INSRR: variants seen among roughly 807,000 people sequenced by gnomAD.
INSRR encodes the protein insulin receptor related receptor, also known as insulin receptor-related protein.
A neutral mutation model predicts 130.0 loss-of-function variants in INSRR; 114 were observed. That is an observed-to-expected ratio of 0.88 (90% CI 0.75 to 1.02). INSRR has a LOEUF of 1.02. INSRR is among the 50% of genes least tolerant of loss of function. The pLI is 0.00. For synonymous variants in INSRR, 674 were observed against 705.2 expected (o/e 0.96, Z 0.70); for missense variants, 1,657 against 1,735.2 (o/e 0.95, Z 0.80).
In INSRR at chr1:156,841,722, C is replaced by A. The variant is rs139192917; in HGVS notation, c.3470G>T (p.Arg1157Leu). 12 of 1,614,040 alleles carry A rather than the reference C, an allele frequency of 7.4e-6. No individual in the cohort carries two copies. The highest frequency in any genetic ancestry group is 1.0e-5 in the Non-Finnish European group (12 of 1,180,016). Residue 1157 changes from arginine to leucine, a missense_variant, in exon 20 of 22, where the codon CGC (arginine) becomes CTC (leucine). Physicochemically the swap from Arg to Leu is moderately radical, Grantham distance 102 (BLOSUM62 -2). Coordinates refer to ENST00000368195, the MANE Select transcript of INSRR (RefSeq NM_014215.3). ...TTTGAGGGACTCGGGGGCCATCCAG[C>A]GCACGGGCAGCAGCCCCTTCCCACC... ...RKGGKGLLPV[R>L]WMAPESLKDG...
Position 156,840,913 on chromosome 1 carries a change from G to A in INSRR, c.3854C>T (p.Pro1285Leu). 6.2e-7 allele frequency: 1 copy of A among 1,614,086 alleles called. No homozygotes were observed. Among genetic ancestry groups the A allele is most frequent in the Non-Finnish European group, 8.5e-7 (1 of 1,179,962 alleles). Residue 1285 changes from proline to leucine, a missense_variant, in exon 22 of 22, where the codon CCA (proline) becomes CTA (leucine). Physicochemically the swap from Pro to Leu is moderately conservative, Grantham distance 98 (BLOSUM62 -3). Transcript: ENST00000368195. ...CCCATTTTGAGGGCTGCAGTCTCTT[G>A]GAGTGGGTGAGGAGTCAGGCTCTGC... ...TDAEPDSSPT[P>L]RDCSPQNGGP...
chr1:156,852,418 G>C (rs1410836243), intron 2 of INSRR, among the ~76,000 whole-genome samples: 1 of 152,104 alleles, frequency 6.6e-6, no homozygotes, highest in South Asian at 2.1e-4. Flanking sequence ...CTAGTCGGGG[G>C]TGTCAGAGCT....
In INSRR at chr1:156,845,091, G is replaced by A. The variant is rs756026000; in HGVS notation, c.2422C>T (p.Arg808Cys). The change falls in exon 12 of 22, where the codon CGC becomes TGC. Residue 808 changes from arginine (R) to cysteine (C), a missense_variant. Transcript: ENST00000368195. ...GATCACCTACTGTGGGGCATGGTGCGCGCAAAGACGAAGGTGGCGGCGCTG... is the reference window on the plus strand; with the variant it reads ...GATCACCTACTGTGGGGCATGGTGCACGCAAAGACGAAGGTGGCGGCGCTG... The part of the protein sequence containing the change: ...GCSAATFVFA[R>C]TMPHREADGI... The A allele has an allele frequency of 6.8e-6, 11 of 1,608,476 alleles. No homozygotes were observed. In the South Asian group the frequency reaches 7.8e-5, roughly 11 times the overall value.
intron 7 of INSRR, among the ~76,000 whole-genome samples, chr1:156,847,884 G>T (rs1655066278): frequency 6.6e-6 from 1 of 152,188 alleles, no homozygotes; most frequent in Non-Finnish European, 1.5e-5. Flanking sequence ...CCCAGAGACA[G>T]CTGTGTATAG....
chr1:156,847,372 G>C (rs1043269497), intron 7 of INSRR, among the ~76,000 whole-genome samples: 2 of 152,228 alleles, frequency 1.3e-5, no homozygotes, highest in African/African-American at 2.4e-5. Flanking sequence ...GGCCAGTTTC[G>C]GGGCAGGGCT....
rs778801552 is a variant in INSRR at position 156,843,487 on chromosome 1, G to A, written c.2844-8C>T. 23 of 1,613,988 alleles carry A rather than the reference G, an allele frequency of 1.4e-5. No individual in the cohort carries two copies. Among genetic ancestry groups the A allele is most frequent in the African/African-American group, 5.3e-5 (4 of 74,922 alleles). ...GCATACAGGGTTCTGTTTCTGCAAC[G>A]GGAGGTGAGGGGGTCAGGCTGGAAG... is the stretch of plus-strand genomic sequence containing the variant. On this transcript the variant is annotated splice_region_variant and splice_polypyrimidine_tract_variant and intron_variant, in intron 15 of 21. Transcript: ENST00000368195.
chr1:156,851,403 C>T lies in INSRR; in HGVS notation c.1116G>A (p.Leu372=), dbSNP rs374785576. ...YNLEPQLQHS[L]GLVETITGFL... is the part of the protein sequence containing the mutation. ...AGCCAGTAATGGTTTCTACCAGCCCCAGGCTGTGCTGCAGCTGTGGCTCCA... is the reference window on the plus strand; with the variant it reads ...AGCCAGTAATGGTTTCTACCAGCCCTAGGCTGTGCTGCAGCTGTGGCTCCA... Residue 372 remains leucine, a synonymous_variant, in exon 5 of 22, where the codon CTG becomes CTA. Coordinates refer to ENST00000368195, the MANE Select transcript of INSRR (RefSeq NM_014215.3). The T allele has an allele frequency of 6.2e-6, 10 of 1,614,074 alleles. No individual in the cohort carries two copies. The highest frequency in any genetic ancestry group is 2.7e-5 in the African/African-American group (2 of 74,924).
In INSRR at chr1:156,842,393, CCTACCT is replaced by C; in HGVS notation, c.3236_3237+4del. 6.2e-7 allele frequency: 1 copy of C among 1,613,644 alleles called. No homozygotes were observed. The highest frequency in any genetic ancestry group is 8.5e-7 in the Non-Finnish European group (1 of 1,179,616). On this transcript the variant is annotated splice_donor_variant and splice_donor_region_variant and coding_sequence_variant and intron_variant, in exon 18 of 22. Coordinates refer to ENST00000368195, the MANE Select transcript of INSRR (RefSeq NM_014215.3). LOFTEE classifies it high-confidence loss of function. ...TTCACTCCCCAGGGTCTTCCTGGTC[CCTACCT>C]CTGCCTCAGGCCGCAAAGATCGAAG...
rs1441536493 is a variant in INSRR at position 156,848,871 on chromosome 1, T to C, written c.1571+50A>G. On this transcript the variant is annotated intron_variant, in intron 7 of 21. Transcript: ENST00000368195. Reference sequence around the variant, plus strand: ...TCACCTGCCTGTGGTCCCGAAGAAATTGGCCTCGTCCGGTCCCGCCCCCGC... The same window carrying C: ...TCACCTGCCTGTGGTCCCGAAGAAACTGGCCTCGTCCGGTCCCGCCCCCGC... The C allele has an allele frequency of 4.6e-6, 7 of 1,534,398 alleles. No homozygotes were observed. The East Asian group carries it at 7.4e-5, about 16-fold the overall frequency.
At chr1:156,843,350 G>A in intron 16 of INSRR, 77 bp downstream of exon 16, 1 of 1,575,138 alleles carries the variant, frequency 6.3e-7, no homozygotes, top group Non-Finnish European at 8.7e-7. Flanking sequence ...TCTGCAAGAA[G>A]GTCTTCTGGA....
At chr1:156,851,243 G>A (rs751334994) in intron 5 of INSRR, 47 bp downstream of exon 5, 2 of 1,609,568 alleles carry the variant, frequency 1.2e-6, no homozygotes, top group East Asian at 4.5e-5. Flanking sequence ...GGGAGTGTTG[G>A]AGGAAGGAGT....
chr1:156,849,510 TGGG>T, intron 5 of INSRR, 50 bp from the exon 6 acceptor site: 4 of 287,876 alleles, frequency 1.4e-5, no homozygotes, highest in Non-Finnish European at 2.0e-5. Flanking sequence ...GGGCAGGGGG[TGGG>T]AAAGGGGATG....
Position 156,841,537 on chromosome 1 carries a change from A to T in INSRR, c.3528-9T>A. 6.2e-7 allele frequency: 1 copy of T among 1,613,942 alleles called. No individual in the cohort carries two copies. The highest frequency in any genetic ancestry group is 8.5e-7 in the Non-Finnish European group (1 of 1,179,956). ...GTACCACGCCAAAGGACCTGGGGGC[A>T]TGCAGGAGCTCCTGAGCCCAGCACC... On this transcript the variant is annotated splice_polypyrimidine_tract_variant and intron_variant, in intron 20 of 21. Coordinates refer to ENST00000368195, the MANE Select transcript of INSRR (RefSeq NM_014215.3).
chr1:156,845,747 C>T lies in INSRR; in HGVS notation c.2046G>A (p.Glu682=), dbSNP rs755447498. 6.2e-7 allele frequency: 1 copy of T among 1,613,684 alleles called. No individual in the cohort carries two copies. Among genetic ancestry groups the T allele is most frequent in the South Asian group, 1.1e-5 (1 of 91,076 alleles). ...FDGEDGDPEA[E]MESDCCPCQH... is the part of the protein sequence containing the mutation. ...GGCAAGGGCAGCAGTCGGACTCCAT[C>T]TCGGCCTCAGGATCCCCGTCTTCGC... The change falls in exon 10 of 22, where the codon GAG becomes GAA. Residue 682 remains glutamate, a synonymous_variant. Coordinates refer to ENST00000368195, the MANE Select transcript of INSRR (RefSeq NM_014215.3).
rs1184162473 is a variant in INSRR, at chr1:156,843,408, C to T, written c.2896+19G>A. Reference sequence around the variant, plus strand: ...GTCTCCCTTTCCCACACCACCTGTCCACCCACTCCCAGACCTACTATCAGA... The same window carrying T: ...GTCTCCCTTTCCCACACCACCTGTCTACCCACTCCCAGACCTACTATCAGA... On this transcript the variant is annotated intron_variant, in intron 16 of 21. Transcript: ENST00000368195. 1.2e-6 allele frequency: 2 copies of T among 1,613,092 alleles called. No individual in the cohort carries two copies. The highest frequency in any genetic ancestry group is 1.7e-6 in the Non-Finnish European group (2 of 1,179,052).
rs199566786 is a variant in INSRR, at chr1:156,852,080, C to T, written c.749G>A (p.Arg250His). Residue 250 changes from arginine (R) to histidine (H), a missense_variant, in exon 3 of 22, where the codon CGC becomes CAC. Coordinates refer to ENST00000368195, the MANE Select transcript of INSRR (RefSeq NM_014215.3). ...GCAGGCACCCTGGAAGTAGAGGTGG[C>T]GGCAAGCTACACAGGCACGAGGGTC... ...PEDPRACVAC[R>H]HLYFQGACLW... is the part of the protein sequence containing the mutation. 2.6e-4 allele frequency: 418 copies of T among 1,613,658 alleles called. 6 individuals carry two copies. The South Asian group carries it at 3.4e-3, about 13-fold the overall frequency.
intron 14 of INSRR, 45 bp from the exon 15 acceptor site, chr1:156,844,325 G>A: frequency 6.4e-7 from 1 of 1,574,166 alleles, no homozygotes. Flanking sequence ...AGATGTAGAA[G>A]TCAGAGGGAA....
intron 8 of INSRR, 147 bp downstream of exon 8, chr1:156,846,372 C>A (rs1029942237): frequency 3.5e-5 from 27 of 762,210 alleles, no homozygotes; most frequent in Non-Finnish European, 5.5e-5. Context: ...AAATGCTCCC[C>A]CTTCTTTCTA....
chr1:156,848,915 AC>A lies in INSRR; in HGVS notation c.1571+5del, dbSNP rs1655104663. 6 of 1,556,856 alleles carry A rather than the reference AC, an allele frequency of 3.9e-6. No individual in the cohort carries two copies. In the East Asian group the frequency reaches 1.4e-4, roughly 37 times the overall value. ...CCCCCGCTCCGGCCCCGCCCCCGGCACTCACGACTCCTTGTAGTACACGATG... is the reference window on the plus strand; with the variant it reads ...CCCCCGCTCCGGCCCCGCCCCCGGCATCACGACTCCTTGTAGTACACGATG... On this transcript the variant is annotated splice_donor_5th_base_variant and intron_variant, in intron 7 of 21. Transcript: ENST00000368195.
Sources: gnomAD v4.1 joint callset for allele counts (sites outside exome capture counted in the v4.1 genomes callset) on GRCh38, gnomAD v4.1.1 for gene constraint, MANE v1.5 for transcripts, NCBI Gene and HGNC (gene_info 2026-07-23, HGNC 2026-07-21) for gene names.